Variants in KRIT1 observed in about 807,000 individuals in gnomAD.
The protein encoded by KRIT1 is krev interaction trapped protein 1.
Under a neutral mutation model 95.8 loss-of-function variants are expected in KRIT1, and 45 were observed. The observed-to-expected ratio is 0.47, with a 90% CI of 0.37 to 0.60. KRIT1 has a LOEUF of 0.60. Among genes scored for constraint, KRIT1 ranks in the 20% least tolerant of loss-of-function variants. The pLI is 0.00. For synonymous variants in KRIT1, 282 were observed against 278.8 expected, an observed-to-expected ratio of 1.01 and a Z score of -0.11; for missense variants, 788 against 877.5, an observed-to-expected ratio of 0.90 and a Z score of 1.29.
Position 92,241,102 on chromosome 7 carries a change from TTTC to T in KRIT1, c.150_152del (p.Lys51del). 3 of 1,611,540 alleles carry T rather than the reference TTTC, an allele frequency of 1.9e-6. No homozygotes were observed. The highest frequency in any genetic ancestry group is 2.5e-6 in the Non-Finnish European group (3 of 1,177,632). ...CTTGAAGTTTCGTTTCCAATAAAAC[TTTC>T]TTTCTCTTTTTTTTCTGTCCTTCAA... On this transcript the variant is annotated inframe_deletion, in exon 5 of 19. Coordinates refer to ENST00000394505, the MANE Select transcript of KRIT1 (RefSeq NM_194454.3).
At chr7:92,218,909 C>G (rs558585745) in intron 14 of KRIT1, among the ~76,000 whole-genome samples, 83 of 152,264 alleles carry the variant, frequency 5.5e-4, no homozygotes, top group African/African-American at 1.9e-3. Context: ...ACTCCACTGC[C>G]TAATCCAAGG....
intron 15 of KRIT1, 50 bp from the exon 16 acceptor site, chr7:92,214,029 A>G (rs760247984): frequency 4.8e-6 from 5 of 1,052,528 alleles, no homozygotes; most frequent in East Asian, 2.4e-5. Context: ...TTTAGTAGCT[A>G]AAGTATAGTA....
At chr7:92,202,937 C>T (rs970782036) in intron 17 of KRIT1, among the ~76,000 whole-genome samples, 4 of 152,148 alleles carry the variant, frequency 2.6e-5, no homozygotes, top group Non-Finnish European at 5.9e-5. Context: ...ATCATACTAC[C>T]TTAAACTGCC....
rs1795404831 is a variant in KRIT1 at position 92,222,830 on chromosome 7, T to C, written c.1403A>G (p.Glu468Gly). ...QQYFTIWICS[E>G]NLSLQLKPYH... Reference sequence around the variant, plus strand: ...AATAAAAACTTTCTTACTGAGGTTTTCTGAACAAATCCATATAGTGAAATA... The same window carrying C: ...AATAAAAACTTTCTTACTGAGGTTTCCTGAACAAATCCATATAGTGAAATA... The change falls in exon 13 of 19, where the codon GAA (glutamate) becomes GGA (glycine). Residue 468 changes from glutamate to glycine, a missense_variant. Glu to Gly is a moderately conservative substitution (Grantham distance 98, BLOSUM62 -2). Transcript: ENST00000394505. The C allele has an allele frequency of 6.2e-7, 1 of 1,603,264 alleles. No homozygotes were observed. The highest frequency in any genetic ancestry group is 8.5e-7 in the Non-Finnish European group (1 of 1,170,422).
chr7:92,208,130 G>A (rs1489694161), intron 17 of KRIT1, among the ~76,000 whole-genome samples: 1 of 151,892 alleles, frequency 6.6e-6, no homozygotes, highest in East Asian at 1.9e-4. Context: ...AAAAAATTAA[G>A]AAGGAAATAA....
In KRIT1 at chr7:92,223,792, C is replaced by A. The variant is rs192379887; in HGVS notation, c.1255-814G>T. Among the ~76,000 whole-genome samples, 210 of 152,184 alleles carry A rather than the reference C, an allele frequency of 1.4e-3. 1 individual carries two copies. Among genetic ancestry groups the A allele is most frequent in the Admixed American group, 3.0e-3 (46 of 15,266 alleles). On this transcript the variant is annotated intron_variant, in intron 12 of 18. Coordinates refer to ENST00000394505, the MANE Select transcript of KRIT1 (RefSeq NM_194454.3). Reference sequence around the variant, plus strand: ...AATGAACTTTGAGCCAGTTTCCTTCCCCCAGTTTAGAAAATTCCAGAAAGT... The same window carrying A: ...AATGAACTTTGAGCCAGTTTCCTTCACCCAGTTTAGAAAATTCCAGAAAGT...
chr7:92,220,669 C>A (rs1030593333), intron 14 of KRIT1, among the ~76,000 whole-genome samples: 2 of 150,966 alleles, frequency 1.3e-5, no homozygotes. Flanking sequence ...TATAATCTCT[C>A]CCTTGTCCAT....
rs189394627 is a variant in KRIT1 at position 92,239,185 on chromosome 7, A to G, written c.263-1426T>C. 4.9e-3 allele frequency among the ~76,000 whole-genome samples: 750 copies of G among 152,300 alleles called. 8 individuals carry two copies. Among genetic ancestry groups the G allele is most frequent in the African/African-American group, 0.017 (699 of 41,542 alleles). On this transcript the variant is annotated intron_variant, in intron 5 of 18. Coordinates refer to ENST00000394505, the MANE Select transcript of KRIT1 (RefSeq NM_194454.3). ...AGTATACAGGGCAAAATGGTGCTAGATATGTTTCACGGTGACTGTCACTCG... is the reference window on the plus strand; with the variant it reads ...AGTATACAGGGCAAAATGGTGCTAGGTATGTTTCACGGTGACTGTCACTCG...
intron 14 of KRIT1, among the ~76,000 whole-genome samples, chr7:92,216,422 A>C: frequency 6.6e-6 from 1 of 151,830 alleles, no homozygotes; most frequent in Non-Finnish European, 1.5e-5. Flanking sequence ...GAGACTGAAG[A>C]GACATCCAAA....
At chr7:92,219,829 T>C (rs555687409) in intron 14 of KRIT1, among the ~76,000 whole-genome samples, 2 of 152,246 alleles carry the variant, frequency 1.3e-5, no homozygotes, top group South Asian at 4.1e-4. Context: ...TAGTTTTCAG[T>C]GTACAAGTCT....
Position 92,200,701 on chromosome 7 carries a change from A to C in KRIT1, c.*35T>G. The C allele has an allele frequency of 7.2e-7, 1 of 1,395,010 alleles. No homozygotes were observed. The highest frequency in any genetic ancestry group is 1.4e-5 in the African/African-American group (1 of 70,808). The allele number at this position is 1,395,010 out of a possible 1,614,324, so 86.4% of individuals were successfully genotyped here. ...TCACGGAAAAAAAACTCTGCATTAC[A>C]AAATGTGGTGGCTTGAGTAACAGTT... On this transcript the variant is annotated 3_prime_UTR_variant, in exon 19 of 19. Transcript: ENST00000394505.
chr7:92,239,814 G>A (rs201408533), intron 5 of KRIT1, among the ~76,000 whole-genome samples: 2 of 150,748 alleles, frequency 1.3e-5, no homozygotes, highest in Non-Finnish European at 2.9e-5. Context: ...ATGTTCAAGC[G>A]ATTCTTCTGC....
chr7:92,243,151 A>T (rs1421471791), intron 3 of KRIT1, among the ~76,000 whole-genome samples: 1 of 151,970 alleles, frequency 6.6e-6, no homozygotes, highest in Non-Finnish European at 1.5e-5. Flanking sequence ...AAATATATTC[A>T]CTGTGTGTGT....
chr7:92,234,337 A>C, intron 10 of KRIT1, 112 bp downstream of exon 10: 2 of 874,410 alleles, frequency 2.3e-6, no homozygotes, highest in Non-Finnish European at 3.7e-6. Flanking sequence ...CTCCTAAGGC[A>C]AACAGGTAGA....
At position 92,237,636 on chromosome 7, in the gene KRIT1, TAA is replaced by T. The variant is rs574142144; in HGVS notation, c.355+29_355+30del. On this transcript the variant is annotated intron_variant, in intron 6 of 18. Coordinates refer to ENST00000394505, the MANE Select transcript of KRIT1 (RefSeq NM_194454.3). Reference sequence around the variant, plus strand: ...ACCTTTACTTAGCATCTAAAGTATATAAAGATTTGTAAGATACATTTAGACTT... The same window carrying T: ...ACCTTTACTTAGCATCTAAAGTATATAGATTTGTAAGATACATTTAGACTT... The T allele has an allele frequency of 4.2e-4, 542 of 1,291,334 alleles. 4 individuals carry two copies. In the African/African-American group the frequency reaches 6.8e-3, roughly 16 times the overall value. 80.0% of individuals were successfully genotyped at this position (1,291,334 alleles called of 1,614,324 possible). A position where few individuals can be genotyped will look rare whatever the true frequency, so the allele number is the denominator to read the frequency against.
Position 92,205,360 on chromosome 7 carries a change from C to A in KRIT1, c.2026-3937G>T, listed in dbSNP as rs997501640. ...AAACTCATCTCAACAACAACAACAA[C>A]AAAAAAGACACATAAAAATGAGGAA... On this transcript the variant is annotated intron_variant, in intron 17 of 18. Coordinates refer to ENST00000394505, the MANE Select transcript of KRIT1 (RefSeq NM_194454.3). Among the ~76,000 whole-genome samples the A allele has an allele frequency of 2.2e-4, 34 of 151,680 alleles. 1 individual carries two copies. The highest frequency in any genetic ancestry group is 8.4e-4 in the South Asian group (4 of 4,788).
chr7:92,218,258 C>CT (rs1392636549), intron 14 of KRIT1, among the ~76,000 whole-genome samples: 3 of 151,856 alleles, frequency 2.0e-5, no homozygotes, highest in South Asian at 4.2e-4. Context: ...AAAAACAAAA[C>CT]TTTTTTGTAG....
At chr7:92,203,455 T>C (rs1392747671) in intron 17 of KRIT1, among the ~76,000 whole-genome samples, 1 of 152,198 alleles carries the variant, frequency 6.6e-6, no homozygotes, top group Non-Finnish European at 1.5e-5. Context: ...TTCAATCACC[T>C]GTTTAGATAC....
At position 92,235,475 on chromosome 7, in the gene KRIT1, C is replaced by T. The variant is rs765983609; in HGVS notation, c.657G>A (p.Met219Ile). 9 of 1,613,432 alleles carry T rather than the reference C, an allele frequency of 5.6e-6. No homozygotes were observed. The highest frequency in any genetic ancestry group is 6.8e-6 in the Non-Finnish European group (8 of 1,179,376). Residue 219 changes from methionine (M) to isoleucine (I), a missense_variant, in exon 8 of 19, where the codon ATG becomes ATA. Coordinates refer to ENST00000394505, the MANE Select transcript of KRIT1 (RefSeq NM_194454.3). ...GYSALEIKSK[M>I]LALEKADTCI... ...AGGTATCTGCTTTCTCTAGGGCTAACATTTTACTCTTTATTTCTAGTGCAC... is the reference window on the plus strand; with the variant it reads ...AGGTATCTGCTTTCTCTAGGGCTAATATTTTACTCTTTATTTCTAGTGCAC...
Sources: allele counts gnomAD v4.1 joint callset (sites outside exome capture counted in the v4.1 genomes callset), GRCh38; gene constraint gnomAD v4.1.1; transcripts MANE v1.5; gene names NCBI Gene and HGNC (gene_info 2026-07-23, HGNC 2026-07-21).